Variants in CDKAL1 observed in about 807,000 individuals in gnomAD.
The protein encoded by CDKAL1 is threonylcarbamoyladenosine tRNA methylthiotransferase.
CDKAL1 carries 32 observed loss-of-function variants against 68.2 expected under a neutral mutation model. The observed-to-expected ratio is 0.47, with a 90% CI of 0.35 to 0.63. The LOEUF (loss-of-function observed/expected upper bound fraction) is 0.63. Among genes scored for constraint, CDKAL1 ranks in the 30% least tolerant of loss-of-function variants. The probability of loss-of-function intolerance (pLI) is 0.00; values close to 1 mark genes in which losing one functional copy is unlikely to be tolerated. For missense variants in CDKAL1, 606 were observed against 696.7 expected (o/e 0.87, Z 1.47); for synonymous variants, 234 against 244.3 (o/e 0.96, Z 0.39).
At chr6:21,093,695 T>G (rs1236857733) in intron 12 of CDKAL1, among the ~76,000 whole-genome samples, 1 of 2,878 alleles carries the variant, frequency 3.5e-4, no homozygotes, top group African/African-American at 1.7e-3. Flanking sequence ...CTGCTGCTGC[T>G]TTTTTTTTTT....
At chr6:21,165,814 TAAAAG>T (rs1562085800) in intron 13 of CDKAL1, among the ~76,000 whole-genome samples, 4 of 152,220 alleles carry the variant, frequency 2.6e-5, no homozygotes, top group Admixed American at 6.5e-5. Flanking sequence ...CGTGCTGACT[TAAAAG>T]AGAGAGAGCT....
chr6:20,784,510 G>A (rs1314266233), intron 8 of CDKAL1, among the ~76,000 whole-genome samples: 5 of 121,060 alleles, frequency 4.1e-5, no homozygotes, highest in Admixed American at 3.3e-4. Context: ...TGCAACCTCC[G>A]CCCTCCTGGG....
At chr6:20,832,708 C>A in intron 8 of CDKAL1, among the ~76,000 whole-genome samples, 1 of 152,062 alleles carries the variant, frequency 6.6e-6, no homozygotes. Flanking sequence ...TTTTGGCAAA[C>A]ACCATTTACT....
chr6:20,645,645 C>T (rs1275395098), intron 4 of CDKAL1, among the ~76,000 whole-genome samples: 1 of 151,788 alleles, frequency 6.6e-6, no homozygotes, highest in Non-Finnish European at 1.5e-5. Flanking sequence ...GCAGGAGAAT[C>T]ACTTGGGCCC....
At chr6:21,151,314 G>A (rs548799989) in intron 13 of CDKAL1, among the ~76,000 whole-genome samples, 175 of 152,296 alleles carry the variant, frequency 1.1e-3, no homozygotes, top group Middle Eastern at 6.8e-3. Context: ...AACCCTCTCC[G>A]ACCCAGCCTC....
At chr6:20,909,878 G>A (rs372948239) in intron 9 of CDKAL1, among the ~76,000 whole-genome samples, 23 of 152,174 alleles carry the variant, frequency 1.5e-4, no homozygotes, top group African/African-American at 4.8e-4. Flanking sequence ...TGAGTTTAGC[G>A]GGTTTGCACC....
chr6:20,654,897 C>A (rs1024954185), intron 5 of CDKAL1, among the ~76,000 whole-genome samples: 1 of 152,070 alleles, frequency 6.6e-6, no homozygotes, highest in Non-Finnish European at 1.5e-5. Context: ...GTGCTAGTAC[C>A]TTTTTGTTCT....
chr6:21,080,187 C>A (rs1244948727), intron 12 of CDKAL1, among the ~76,000 whole-genome samples: 1 of 151,110 alleles, frequency 6.6e-6, no homozygotes, highest in Non-Finnish European at 1.5e-5. Flanking sequence ...AACTTGGAAA[C>A]GTGAAAATAA....
intron 9 of CDKAL1, among the ~76,000 whole-genome samples, chr6:20,938,781 G>A (rs1245806294): frequency 6.6e-6 from 1 of 151,238 alleles, no homozygotes; most frequent in Non-Finnish European, 1.5e-5. Context: ...TTTTTCTGTT[G>A]AATATATATA....
chr6:20,881,841 C>T (rs989323137), intron 9 of CDKAL1, among the ~76,000 whole-genome samples: 4 of 152,070 alleles, frequency 2.6e-5, no homozygotes, highest in Admixed American at 6.6e-5. Flanking sequence ...CTTTAAAATG[C>T]ACTCTTTTTG....
At chr6:20,620,722 G>A (rs1219449875) in intron 4 of CDKAL1, among the ~76,000 whole-genome samples, 1 of 151,440 alleles carries the variant, frequency 6.6e-6, no homozygotes, top group Admixed American at 6.6e-5. Context: ...AAAACTTTTG[G>A]CTTCCTAATA....
At chr6:20,861,791 G>T (rs1325877599) in intron 9 of CDKAL1, among the ~76,000 whole-genome samples, 1 of 152,188 alleles carries the variant, frequency 6.6e-6, no homozygotes, top group African/African-American at 2.4e-5. Context: ...ATTGTCAGGA[G>T]ATCTGTCTAC....
intron 5 of CDKAL1, among the ~76,000 whole-genome samples, chr6:20,699,359 T>TAAGA (rs1301964782): frequency 2.6e-5 from 4 of 151,576 alleles, no homozygotes; most frequent in Non-Finnish European, 5.9e-5. Flanking sequence ...AGTGTAGCAT[T>TAAGA]ATCATCTTTT....
At chr6:21,035,301 G>T (rs1338463870) in intron 11 of CDKAL1, among the ~76,000 whole-genome samples, 2 of 152,010 alleles carry the variant, frequency 1.3e-5, no homozygotes, top group Non-Finnish European at 2.9e-5. Flanking sequence ...CTCTTTATAG[G>T]ATTATTCAGA....
chr6:20,694,605 C>T lies in CDKAL1; in HGVS notation c.372-44914C>T, dbSNP rs769023241. The stretch of plus-strand genomic sequence containing the variant: ...CAAGGAGTCCCACCCATTTCTTTCA[C>T]CAAATAGCCCACGAAAGTGATGAGA... On this transcript the variant is annotated intron_variant, in intron 5 of 15. Transcript: ENST00000274695. 3.3e-5 allele frequency among the ~76,000 whole-genome samples: 5 copies of T among 152,174 alleles called. No individual in the cohort carries two copies. In the East Asian group the frequency reaches 5.8e-4, roughly 18 times the overall value.
At chr6:20,965,347 A>AGGGC (rs1765254622) in intron 10 of CDKAL1, among the ~76,000 whole-genome samples, 1 of 116,654 alleles carries the variant, frequency 8.6e-6, no homozygotes, top group African/African-American at 3.1e-5. Flanking sequence ...GAGGGGAGGG[A>AGGGC]AGAGGGAAGA....
rs1276135993 is a variant in CDKAL1, at chr6:21,076,890, T to C, written c.1236+11662T>C. On this transcript the variant is annotated intron_variant, in intron 12 of 15. Coordinates refer to ENST00000274695, the MANE Select transcript of CDKAL1 (RefSeq NM_017774.3). ...TCCATTTTCGATGGAGTTTTTAGCC[T>C]GCCCATAATTTTGTTGTATCTGGAT... Among the ~76,000 whole-genome samples the C allele has an allele frequency of 3.3e-5, 5 of 152,292 alleles. No homozygotes were observed. In the East Asian group the frequency reaches 9.6e-4, roughly 29 times the overall value.
At chr6:21,169,848 A>G (rs1777303045) in intron 13 of CDKAL1, among the ~76,000 whole-genome samples, 1 of 152,158 alleles carries the variant, frequency 6.6e-6, no homozygotes, top group Non-Finnish European at 1.5e-5. Flanking sequence ...GAGGGTTTGC[A>G]GAAGAACTCC....
chr6:21,019,725 A>G (rs1021945380), intron 11 of CDKAL1, among the ~76,000 whole-genome samples: 9 of 152,164 alleles, frequency 5.9e-5, no homozygotes, highest in Non-Finnish European at 1.2e-4. Flanking sequence ...TTGGATATAT[A>G]TATAGGAATC....
Sources: allele counts gnomAD v4.1 joint callset (sites outside exome capture counted in the v4.1 genomes callset), GRCh38; gene constraint gnomAD v4.1.1; transcripts MANE v1.5; gene names NCBI Gene and HGNC (gene_info 2026-07-23, HGNC 2026-07-21).